Variants in EML6 observed in about 807,000 individuals in gnomAD.
EML6 encodes EMAP like 6, also known as echinoderm microtubule-associated protein-like 6.
EML6 carries 154 observed loss-of-function variants against 240.1 expected under a neutral mutation model. The observed-to-expected ratio is 0.64, with a 90% confidence interval of 0.56 to 0.73. The LOEUF (loss-of-function observed/expected upper bound fraction) is 0.73. EML6 is among the 30% of genes least tolerant of loss of function. EML6 has a pLI of 0.00. For synonymous variants in EML6, 1,148 were observed against 899.0 expected (o/e 1.28, Z -4.95); for missense variants, 2,964 against 2,474.6 (o/e 1.20, Z -4.20).
chr2:54,834,416 C>G (rs968738780), intron 7 of EML6, among the ~76,000 whole-genome samples: 5 of 152,160 alleles, frequency 3.3e-5, no homozygotes, highest in Admixed American at 1.3e-4. Context: ...TAATAAAACA[C>G]TTTGGGTTAA....
At chr2:54,801,304 G>C (rs1213529716) in intron 2 of EML6, among the ~76,000 whole-genome samples, 1 of 146,748 alleles carries the variant, frequency 6.8e-6, no homozygotes, top group Non-Finnish European at 1.5e-5. Flanking sequence ...TACAGAGCGA[G>C]ACTCTGTCTC....
At position 54,879,746 on chromosome 2, in the gene EML6, T is replaced by C. The variant is rs548305921; in HGVS notation, c.2438+106T>C. The C allele has an allele frequency of 3.3e-5, 25 of 749,086 alleles. No homozygotes were observed. The Admixed American group carries it at 6.5e-4, about 19-fold the overall frequency. The allele number at this position is 749,086 out of a possible 1,614,324, so 46.4% of individuals were successfully genotyped here. A position where few individuals can be genotyped will look rare whatever the true frequency, so the allele number is the denominator to read the frequency against. ...ATTTCATCTTCAAACTCAGGTGAAATTGACGTAGAAGGCTTAGCACCTAAG... is the reference window on the plus strand; with the variant it reads ...ATTTCATCTTCAAACTCAGGTGAAACTGACGTAGAAGGCTTAGCACCTAAG... On this transcript the variant is annotated intron_variant, in intron 17 of 41. Coordinates refer to ENST00000356458, the MANE Select transcript of EML6 (RefSeq NM_001039753.4).
chr2:54,741,764 A>T (rs1002992141), intron 2 of EML6, among the ~76,000 whole-genome samples: 1 of 152,222 alleles, frequency 6.6e-6, no homozygotes, highest in Non-Finnish European at 1.5e-5. Flanking sequence ...TTGAGCATGA[A>T]TTATAATCTG....
intron 2 of EML6, among the ~76,000 whole-genome samples, chr2:54,741,101 G>C (rs1260227883): frequency 1.3e-5 from 2 of 152,084 alleles, no homozygotes; most frequent in Non-Finnish European, 2.9e-5. Context: ...CAGCGATCCA[G>C]GCAGGAACCA....
intron 7 of EML6, among the ~76,000 whole-genome samples, chr2:54,830,513 A>C (rs551582377): frequency 6.6e-6 from 1 of 152,252 alleles, no homozygotes; most frequent in South Asian, 2.1e-4. Flanking sequence ...GCCTGAAACG[A>C]GTTGTTTCTC....
intron 17 of EML6, among the ~76,000 whole-genome samples, chr2:54,890,181 A>C (rs1672390539): frequency 6.6e-6 from 1 of 152,190 alleles, no homozygotes; most frequent in Non-Finnish European, 1.5e-5. Flanking sequence ...TAATATGATC[A>C]ATTGTATTAC....
intron 12 of EML6, among the ~76,000 whole-genome samples, 160 bp downstream of exon 12, chr2:54,859,861 C>T (rs1012144350): frequency 1.3e-4 from 20 of 152,142 alleles, no homozygotes; most frequent in African/African-American, 4.8e-4. Flanking sequence ...TAAAGATTAA[C>T]ATGGGTCAGT....
chr2:54,771,957 A>C (rs1300544293), intron 2 of EML6, among the ~76,000 whole-genome samples: 2 of 152,238 alleles, frequency 1.3e-5, no homozygotes, highest in Non-Finnish European at 2.9e-5. Context: ...CCTGTAGGCT[A>C]TACAAACTAA....
At chr2:54,773,562 G>A (rs1668484052) in intron 2 of EML6, among the ~76,000 whole-genome samples, 1 of 152,226 alleles carries the variant, frequency 6.6e-6, no homozygotes, top group Non-Finnish European at 1.5e-5. Flanking sequence ...GACTAAAGGA[G>A]ATGTATGAAG....
chr2:54,775,617 T>G (rs993307064), intron 2 of EML6, among the ~76,000 whole-genome samples: 1 of 152,210 alleles, frequency 6.6e-6, no homozygotes, highest in Admixed American at 6.5e-5. Context: ...TGTTTATTGT[T>G]CATTGTATGA....
Position 54,827,727 on chromosome 2 carries a change from C to T in EML6, c.687C>T (p.Val229=), listed in dbSNP as rs1668664472. ...ATGTCTGGAAAGGGCTCAATTTAGT[C>T]CGCACCATTCAAGGAGCACATAGTG... ...DIYVWKGLNL[V]RTIQGAHSAG... Residue 229 remains valine (V), a synonymous_variant, in exon 6 of 42, where the codon GTC becomes GTT. Transcript: ENST00000356458. 14 of 1,551,504 alleles carry T rather than the reference C, an allele frequency of 9.0e-6. No homozygotes were observed. Among genetic ancestry groups the T allele is most frequent in the Non-Finnish European group, 1.2e-5 (14 of 1,146,838 alleles).
rs181706343 is a variant in EML6, at chr2:54,885,633, A to G, written c.2439-5421A>G. ...TTTGATTTTCTTTTTTTCTTTTTTG[A>G]TGGAGTCTTGCTCTTTCTCCCAGGC... On this transcript the variant is annotated intron_variant, in intron 17 of 41. Coordinates refer to ENST00000356458, the MANE Select transcript of EML6 (RefSeq NM_001039753.4). Among the ~76,000 whole-genome samples, 683 of 151,616 alleles carry G rather than the reference A, an allele frequency of 4.5e-3. 5 individuals carry two copies. The highest frequency in any genetic ancestry group is 0.014 in the Middle Eastern group (4 of 294).
intron 2 of EML6, among the ~76,000 whole-genome samples, chr2:54,733,148 G>A (rs974143515): frequency 1.3e-5 from 2 of 152,232 alleles, no homozygotes; most frequent in African/African-American, 4.8e-5. Flanking sequence ...AAGGAGGGGA[G>A]CAGCAGGCCA....
chr2:54,909,675 G>C (rs1673535160), intron 24 of EML6, among the ~76,000 whole-genome samples: 1 of 151,946 alleles, frequency 6.6e-6, no homozygotes. Context: ...ATGACTCTCT[G>C]TCTCTACTAA....
In EML6 at chr2:54,920,629, A is replaced by G. The variant is rs183639624; in HGVS notation, c.3675+3694A>G. The stretch of plus-strand genomic sequence containing the variant: ...AAACTCTTTCAAAAAAAGAAAAAAA[A>G]TTGAAGGGGAGGGAACACTTTTAAA... On this transcript the variant is annotated intron_variant, in intron 26 of 41. Transcript: ENST00000356458. Among the ~76,000 whole-genome samples the G allele has an allele frequency of 2.0e-4, 31 of 152,328 alleles. No individual in the cohort carries two copies. In the East Asian group the frequency reaches 5.0e-3, roughly 25 times the overall value.
At chr2:54,844,356 C>T (rs11680118) in intron 8 of EML6, 108 bp downstream of exon 8, 52,369 of 841,278 alleles carry the variant, frequency 0.062, 2,383 homozygotes, top group East Asian at 0.24. Flanking sequence ...ACACAGTTTC[C>T]AAATGAAACG....
rs901591605 is a variant in EML6, at chr2:54,880,906, T to A, written c.2438+1266T>A. The A allele has an allele frequency of 5.9e-5, 9 of 152,354 alleles. No homozygotes were observed. The South Asian group carries it at 6.2e-4, about 11-fold the overall frequency. 9.4% of individuals were successfully genotyped at this position (152,354 alleles called of 1,614,324 possible). A position where few individuals can be genotyped will look rare whatever the true frequency, so the allele number is the denominator to read the frequency against. On this transcript the variant is annotated intron_variant, in intron 17 of 41. Coordinates refer to ENST00000356458, the MANE Select transcript of EML6 (RefSeq NM_001039753.4). ...CTAGAAAACCCTCTGCAGCTATGGG[T>A]GGCTCACCAGTTTTATGCCCGAAAC...
intron 4 of EML6, among the ~76,000 whole-genome samples, chr2:54,817,481 A>G (rs182692775): frequency 1.2e-4 from 19 of 152,326 alleles, no homozygotes; most frequent in African/African-American, 4.1e-4. Flanking sequence ...TCTCTAAACA[A>G]TGAATTTGCA....
intron 2 of EML6, among the ~76,000 whole-genome samples, chr2:54,798,586 T>C (rs890146375): frequency 2.6e-5 from 4 of 152,202 alleles, no homozygotes; most frequent in Non-Finnish European, 4.4e-5. Flanking sequence ...TTTTCCAAAA[T>C]ATTGCTACCG....
Sources: gnomAD v4.1 joint callset for allele counts (sites outside exome capture counted in the v4.1 genomes callset) on GRCh38, gnomAD v4.1.1 for gene constraint, MANE v1.5 for transcripts, NCBI Gene and HGNC (gene_info 2026-07-23, HGNC 2026-07-21) for gene names.